Variants in PLCB1 observed in about 807,000 individuals in gnomAD.
PLCB1 encodes the protein phospholipase C beta 1, also known as 1-phosphatidylinositol 4,5-bisphosphate phosphodiesterase beta-1.
PLCB1 carries 46 observed loss-of-function variants against 161.8 expected under a neutral mutation model. The ratio of observed to expected loss-of-function variants is 0.28; its 90% CI spans 0.22 to 0.36. The LOEUF is 0.36. Ranked by LOEUF, PLCB1 falls within the 10% of genes least tolerant of loss-of-function variation. PLCB1 has a pLI of 1.00. For missense variants in PLCB1, 1,016 were observed against 1,472.5 expected, an observed-to-expected ratio of 0.69 and a Z score of 5.07; for synonymous variants, 517 against 503.7, an observed-to-expected ratio of 1.03 and a Z score of -0.35.
chr20:8,783,907 A>T (rs1261396679), intron 27 of PLCB1, among the ~76,000 whole-genome samples: 3 of 152,246 alleles, frequency 2.0e-5, no homozygotes, highest in African/African-American at 7.2e-5. Context: ...CCCCTGGACC[A>T]ATTATCTTGG....
At chr20:8,150,519 T>C in intron 2 of PLCB1, 148 bp downstream of exon 2, 1 of 466,158 alleles carries the variant, frequency 2.1e-6, no homozygotes, top group South Asian at 4.2e-5. Flanking sequence ...ATCTAAGGTA[T>C]TCTTAGGACT....
At chr20:8,140,887 C>A (rs1457813245) in intron 1 of PLCB1, among the ~76,000 whole-genome samples, 9 of 152,048 alleles carry the variant, frequency 5.9e-5, no homozygotes, top group Admixed American at 5.9e-4. Flanking sequence ...CAACCTCTGC[C>A]TCCCCGGTTC....
At chr20:8,741,326 G>A (rs1424010884) in intron 22 of PLCB1, 138 bp from the exon 23 acceptor site, 2 of 607,972 alleles carry the variant, frequency 3.3e-6, no homozygotes, top group Non-Finnish European at 6.0e-6. Context: ...TGGGTGGATG[G>A]ATGGATGGAT....
At position 8,411,872 on chromosome 20, in the gene PLCB1, A is replaced by C. The variant is rs558641341; in HGVS notation, c.246+40422A>C. Among the ~76,000 whole-genome samples the C allele has an allele frequency of 2.6e-5, 4 of 152,198 alleles. No individual in the cohort carries two copies. The South Asian group carries it at 8.3e-4, about 32-fold the overall frequency. ...AACCCCATCTCTACTAAATACAAAA[A>C]ATTAGCCAGGTGTGGTGGCGCATGC... On this transcript the variant is annotated intron_variant, in intron 3 of 31. Coordinates refer to ENST00000338037, the MANE Select transcript of PLCB1 (RefSeq NM_015192.4).
At position 8,644,113 on chromosome 20, in the gene PLCB1, C is replaced by A. The variant is rs1262426535; in HGVS notation, c.385-1989C>A. Among the ~76,000 whole-genome samples the A allele has an allele frequency of 3.3e-5, 5 of 152,240 alleles. No individual in the cohort carries two copies. The East Asian group carries it at 9.6e-4, about 29-fold the overall frequency. On this transcript the variant is annotated intron_variant, in intron 4 of 31. Coordinates refer to ENST00000338037, the MANE Select transcript of PLCB1 (RefSeq NM_015192.4). ...CACTCAGTGCTCAATGGTGCCCAGG[C>A]TGGAGTGCAGTGGCGTGATCTCGGC...
intron 2 of PLCB1, among the ~76,000 whole-genome samples, chr20:8,311,592 T>C (rs973432311): frequency 1.3e-5 from 2 of 152,208 alleles, no homozygotes; most frequent in Non-Finnish European, 2.9e-5. Context: ...CAGGGTGAGC[T>C]TAGGGTTCAT....
chr20:8,299,446 C>T (rs1450902337), intron 2 of PLCB1, among the ~76,000 whole-genome samples: 1 of 152,116 alleles, frequency 6.6e-6, no homozygotes, highest in African/African-American at 2.4e-5. Flanking sequence ...GGCACTCTCC[C>T]ATTCTCAATC....
chr20:8,733,208 C>T, intron 18 of PLCB1, 30 bp from the exon 19 acceptor site: 1 of 1,607,928 alleles, frequency 6.2e-7, no homozygotes, highest in Non-Finnish European at 8.5e-7. Context: ...TAGATAAACT[C>T]ACAATAAGGC....
intron 3 of PLCB1, among the ~76,000 whole-genome samples, chr20:8,445,619 T>C (rs1338647184): frequency 6.6e-6 from 1 of 152,170 alleles, no homozygotes; most frequent in African/African-American, 2.4e-5. Flanking sequence ...TGGCATTGAA[T>C]CTATAAATTA....
intron 3 of PLCB1, among the ~76,000 whole-genome samples, chr20:8,469,031 G>C (rs1259535032): frequency 1.3e-5 from 2 of 152,160 alleles, no homozygotes; most frequent in African/African-American, 4.8e-5. Flanking sequence ...GGTGGGTCCT[G>C]AGATTGCTGC....
rs942454476 is a variant in PLCB1 at position 8,345,837 on chromosome 20, A to G, written c.178-25545A>G. Reference sequence around the variant, plus strand: ...GAGCAGAGGCATCTGCAAAATGAAAACTACATTCTTTTAATGATATCACTC... The same window carrying G: ...GAGCAGAGGCATCTGCAAAATGAAAGCTACATTCTTTTAATGATATCACTC... On this transcript the variant is annotated intron_variant, in intron 2 of 31. Transcript: ENST00000338037. Among the ~76,000 whole-genome samples the G allele has an allele frequency of 7.2e-5, 11 of 152,208 alleles. No homozygotes were observed. The South Asian group carries it at 8.3e-4, about 11-fold the overall frequency.
intron 2 of PLCB1, among the ~76,000 whole-genome samples, chr20:8,352,908 T>A (rs1046935209): frequency 5.3e-5 from 8 of 152,164 alleles, no homozygotes; most frequent in Admixed American, 3.3e-4. Context: ...TTTAGCTTAA[T>A]ATACATGCAG....
intron 2 of PLCB1, among the ~76,000 whole-genome samples, chr20:8,175,472 A>AAT (rs1555788148): frequency 1.3e-5 from 2 of 151,938 alleles, no homozygotes; most frequent in Non-Finnish European, 2.9e-5. Flanking sequence ...AATAAAAAAA[A>AAT]AAGTATAAAA....
chr20:8,840,785 C>T (rs1274787951), intron 31 of PLCB1, among the ~76,000 whole-genome samples: 2 of 151,314 alleles, frequency 1.3e-5, no homozygotes, highest in Non-Finnish European at 2.9e-5. Context: ...TAAATCACTT[C>T]CCCCCTTTTT....
At chr20:8,368,495 T>G (rs1986790723) in intron 2 of PLCB1, among the ~76,000 whole-genome samples, 1 of 139,470 alleles carries the variant, frequency 7.2e-6, no homozygotes, top group Non-Finnish European at 1.5e-5. Flanking sequence ...CCACTGCACT[T>G]TAGCCTGGGT....
At chr20:8,311,623 G>T (rs188211670) in intron 2 of PLCB1, among the ~76,000 whole-genome samples, 6 of 152,320 alleles carry the variant, frequency 3.9e-5, no homozygotes, top group African/African-American at 9.6e-5. Flanking sequence ...CGTATCATTT[G>T]TCAGACATTG....
At chr20:8,320,283 A>C (rs1984852127) in intron 2 of PLCB1, among the ~76,000 whole-genome samples, 1 of 152,224 alleles carries the variant, frequency 6.6e-6, no homozygotes. Context: ...TATCAACTAC[A>C]AAACATCCAC....
intron 2 of PLCB1, among the ~76,000 whole-genome samples, chr20:8,298,247 A>G (rs1983727682): frequency 6.6e-6 from 1 of 151,058 alleles, no homozygotes; most frequent in Admixed American, 6.6e-5. Context: ...GTGAGCCATG[A>G]TCACACCACT....
In PLCB1 at chr20:8,477,444, A is replaced by AAAT. The variant is rs1015097846; in HGVS notation, c.246+106000_246+106002dup. 2.6e-5 allele frequency among the ~76,000 whole-genome samples: 4 copies of AAAT among 152,206 alleles called. No homozygotes were observed. The East Asian group carries it at 7.7e-4, about 29-fold the overall frequency. On this transcript the variant is annotated intron_variant, in intron 3 of 31. Coordinates refer to ENST00000338037, the MANE Select transcript of PLCB1 (RefSeq NM_015192.4). ...TTCCTGAGGCATCTGAAATAGTATAAAATAATAAGGAGAGAACACCAAAAA... is the reference window on the plus strand; with the variant it reads ...TTCCTGAGGCATCTGAAATAGTATAAAATAATAATAAGGAGAGAACACCAAAAA...
Sources: gnomAD v4.1 joint callset for allele counts (sites outside exome capture counted in the v4.1 genomes callset) on GRCh38, gnomAD v4.1.1 for gene constraint, MANE v1.5 for transcripts, NCBI Gene and HGNC (gene_info 2026-07-23, HGNC 2026-07-21) for gene names.